The following CSRNP3 variants were observed in gnomAD, a reference collection of about 807,000 sequenced individuals.
CSRNP3 encodes cysteine/serine-rich nuclear protein 3.
Under a neutral mutation model 48.0 loss-of-function variants are expected in CSRNP3, and 12 were observed. The observed-to-expected ratio is 0.25, with a 90% confidence interval of 0.16 to 0.41. The LOEUF is 0.41. CSRNP3 is among the 10% of genes least tolerant of loss of function. The probability of loss-of-function intolerance (pLI) is 1.00; values close to 1 mark genes in which losing one functional copy is unlikely to be tolerated. For synonymous variants in CSRNP3, 263 were observed against 269.7 expected (o/e 0.98, Z 0.24); for missense variants, 580 against 724.4 (o/e 0.80, Z 2.29).
At chr2:165,576,684 C>CATACTA (rs893942322) in intron 3 of CSRNP3, among the ~76,000 whole-genome samples, 1 of 151,966 alleles carries the variant, frequency 6.6e-6, no homozygotes, top group Non-Finnish European at 1.5e-5. Flanking sequence ...TAGCTCGAGC[C>CATACTA]ATACTACTTC....
intron 4 of CSRNP3, among the ~76,000 whole-genome samples, chr2:165,613,830 T>C (rs1033308747): frequency 6.6e-6 from 1 of 152,160 alleles, no homozygotes; most frequent in Non-Finnish European, 1.5e-5. Flanking sequence ...AGTCAGGTAA[T>C]GTGATGCCTC....
intron 2 of CSRNP3, among the ~76,000 whole-genome samples, chr2:165,506,698 T>TTCCTTGTA (rs1684430881): frequency 6.6e-6 from 1 of 152,142 alleles, no homozygotes; most frequent in African/African-American, 2.4e-5. Flanking sequence ...CTCAAAACCA[T>TTCCTTGTA]TGTAACTACT....
At chr2:165,552,788 G>A (rs1476727000) in intron 3 of CSRNP3, among the ~76,000 whole-genome samples, 1 of 151,772 alleles carries the variant, frequency 6.6e-6, no homozygotes, top group African/African-American at 2.4e-5. Context: ...TTCGCATCCT[G>A]GGTTCTAGCG....
chr2:165,678,599 A>T, intron 6 of CSRNP3, 102 bp from the exon 7 acceptor site: 1 of 1,378,710 alleles, frequency 7.3e-7, no homozygotes, highest in Non-Finnish European at 9.8e-7. Flanking sequence ...ATGTGGAATT[A>T]AGTGGATGGA....
At chr2:165,641,470 G>A (rs560264592) in intron 4 of CSRNP3, among the ~76,000 whole-genome samples, 53 of 152,298 alleles carry the variant, frequency 3.5e-4, no homozygotes, top group Admixed American at 5.9e-4. Flanking sequence ...CTCAAAAAAT[G>A]TCCTGTGTTA....
At chr2:165,502,519 A>G (rs1389266573) in intron 2 of CSRNP3, among the ~76,000 whole-genome samples, 3 of 152,070 alleles carry the variant, frequency 2.0e-5, no homozygotes. Context: ...TTGTAGATTA[A>G]TCTTAGAGCA....
intron 3 of CSRNP3, chr2:165,574,226 G>C (rs1358670356): frequency 1.6e-6 from 1 of 618,608 alleles, no homozygotes; most frequent in Non-Finnish European, 2.9e-6. Context: ...AGACCAGCTC[G>C]GAGGCTTTGA....
intron 4 of CSRNP3, among the ~76,000 whole-genome samples, chr2:165,605,519 G>C (rs1490245847): frequency 1.3e-5 from 2 of 152,024 alleles, no homozygotes; most frequent in Non-Finnish European, 1.5e-5. Context: ...CAGAAAAATA[G>C]AGCGATAGAT....
In CSRNP3 at chr2:165,578,712, A is replaced by G. The variant is rs565561577; in HGVS notation, c.-23-16331A>G. ...ATTTAGGTCAATTTATGAACAAAGG[A>G]AAAAAAAACAGAAAAATATTGTATA... On this transcript the variant is annotated intron_variant, in intron 3 of 6. Transcript: ENST00000651982. Among the ~76,000 whole-genome samples, 13 of 150,922 alleles carry G rather than the reference A, an allele frequency of 8.6e-5. No homozygotes were observed. The South Asian group carries it at 2.7e-3, about 32-fold the overall frequency.
chr2:165,673,155 T>TTTTTTTC (rs367832445), intron 5 of CSRNP3, among the ~76,000 whole-genome samples: 24 of 144,094 alleles, frequency 1.7e-4, no homozygotes, highest in African/African-American at 6.4e-4. Context: ...TTTTTTTTTT[T>TTTTTTTC]GAGACAGGGC....
intron 1 of CSRNP3, among the ~76,000 whole-genome samples, chr2:165,490,622 C>G (rs1385168341): frequency 4.9e-5 from 7 of 142,640 alleles, no homozygotes; most frequent in Non-Finnish European, 1.1e-4. Context: ...TGGAACAGAA[C>G]AGAGCCCTCA....
chr2:165,505,672 CT>C (rs1291888406), intron 2 of CSRNP3, among the ~76,000 whole-genome samples: 1 of 152,086 alleles, frequency 6.6e-6, no homozygotes, highest in Non-Finnish European at 1.5e-5. Flanking sequence ...CGAGGAATTA[CT>C]TTTCTAACTT....
At chr2:165,518,574 A>G (rs1684610071) in intron 3 of CSRNP3, among the ~76,000 whole-genome samples, 1 of 152,044 alleles carries the variant, frequency 6.6e-6, no homozygotes, top group Admixed American at 6.5e-5. Context: ...GCTTATTATA[A>G]TAACAAATTA....
intron 1 of CSRNP3, among the ~76,000 whole-genome samples, chr2:165,486,225 C>A: frequency 1.3e-5 from 2 of 152,190 alleles, no homozygotes; most frequent in Non-Finnish European, 1.5e-5. Flanking sequence ...CCGATTATTG[C>A]GCTTTTCAGA....
intron 2 of CSRNP3, among the ~76,000 whole-genome samples, chr2:165,502,953 G>A (rs1684377424): frequency 6.6e-6 from 1 of 151,972 alleles, no homozygotes; most frequent in Non-Finnish European, 1.5e-5. Flanking sequence ...GTGTGTGTAT[G>A]TGTGTGAATT....
chr2:165,570,595 TA>T lies in CSRNP3; in HGVS notation c.-23-24434del, dbSNP rs199614203. Reference sequence around the variant, plus strand: ...TTTCAATGTTTTTGAAGTAATGCAGTAAAAAAAAAAAAAATGGCTGCCTTTT... The same window carrying T: ...TTTCAATGTTTTTGAAGTAATGCAGTAAAAAAAAAAAAATGGCTGCCTTTT... On this transcript the variant is annotated intron_variant, in intron 3 of 6. Transcript: ENST00000651982. Among the ~76,000 whole-genome samples the T allele has an allele frequency of 8.9e-3, 1,283 of 143,806 alleles. 17 individuals carry two copies. Among genetic ancestry groups the T allele is most frequent in the African/African-American group, 0.027 (1,069 of 39,172 alleles). The allele number at this position is 143,806 out of a possible 152,430, so 94.3% of individuals were successfully genotyped here. A position where few individuals can be genotyped will look rare whatever the true frequency, so the allele number is the denominator to read the frequency against.
At chr2:165,574,285 C>A in intron 3 of CSRNP3, 2 of 1,168,096 alleles carry the variant, frequency 1.7e-6, no homozygotes, top group Non-Finnish European at 1.2e-6. Flanking sequence ...GGTCACAGGG[C>A]TGGTGGAAAG....
At chr2:165,635,627 T>G (rs1172479536) in intron 4 of CSRNP3, among the ~76,000 whole-genome samples, 1 of 152,196 alleles carries the variant, frequency 6.6e-6, no homozygotes, top group African/African-American at 2.4e-5. Context: ...TTTATTATAT[T>G]GTTTTCATAT....
At chr2:165,493,493 C>T (rs1684246635) in intron 1 of CSRNP3, among the ~76,000 whole-genome samples, 1 of 152,042 alleles carries the variant, frequency 6.6e-6, no homozygotes, top group African/African-American at 2.4e-5. Flanking sequence ...TCTTGTAGAG[C>T]CAGTTCAAGT....
Sources: allele counts gnomAD v4.1 joint callset (sites outside exome capture counted in the v4.1 genomes callset), GRCh38; gene constraint gnomAD v4.1.1; transcripts MANE v1.5; gene names NCBI Gene and HGNC (gene_info 2026-07-23, HGNC 2026-07-21).